Variants in LUZP2 observed in about 807,000 individuals in gnomAD.
LUZP2 encodes the protein leucine zipper protein 2.
In LUZP2, 52 loss-of-function variants were observed where a neutral mutation model predicts 51.6. The observed-to-expected ratio is 1.01, with a 90% CI of 0.81 to 1.27. The LOEUF is 1.27. Ranked by LOEUF, LUZP2 falls within the 50% of genes most tolerant of loss-of-function variation. The pLI is 0.00. For synonymous variants in LUZP2, 154 were observed against 137.3 expected (o/e 1.12, Z -0.85); for missense variants, 436 against 395.4 (o/e 1.10, Z -0.87).
chr11:24,698,969 G>C (rs1253665615), intron 1 of LUZP2, among the ~76,000 whole-genome samples: 2 of 151,978 alleles, frequency 1.3e-5, no homozygotes, highest in African/African-American at 4.8e-5. Context: ...GAGATGAGAG[G>C]ATCGATTGAG....
In LUZP2 at chr11:24,610,148, A is replaced by G. The variant is rs369725537; in HGVS notation, c.62+112843A>G. 5.4e-4 allele frequency among the ~76,000 whole-genome samples: 82 copies of G among 152,316 alleles called. 2 individuals are homozygous for G. The highest frequency in any genetic ancestry group is 1.6e-3 in the African/African-American group (68 of 41,570). On this transcript the variant is annotated intron_variant, in intron 1 of 11. Transcript: ENST00000336930. ...GCACTGACTGAAGAATGGCGTTCGA[A>G]GAGGAACGTGATGGGGAAAAATAGA...
At chr11:24,870,696 G>T (rs979781533) in intron 5 of LUZP2, among the ~76,000 whole-genome samples, 2 of 151,908 alleles carry the variant, frequency 1.3e-5, no homozygotes, top group Non-Finnish European at 2.9e-5. Context: ...GAAGAAATTT[G>T]GTCTATTTTT....
rs148050149 is a variant in LUZP2, at chr11:24,565,786, A to G, written c.62+68481A>G. Among the ~76,000 whole-genome samples, 133 of 152,284 alleles carry G rather than the reference A, an allele frequency of 8.7e-4. 2 individuals carry two copies. The East Asian group carries it at 0.021, about 25-fold the overall frequency. ...TTACCACAAACCAAAAGTAAACAAA[A>G]AAGTAAACAGTTTGTCTTCTTATAA... is the stretch of plus-strand genomic sequence containing the variant. On this transcript the variant is annotated intron_variant, in intron 1 of 11. Transcript: ENST00000336930.
At chr11:24,844,038 G>C (rs1851120428) in intron 5 of LUZP2, among the ~76,000 whole-genome samples, 1 of 152,128 alleles carries the variant, frequency 6.6e-6, no homozygotes, top group Non-Finnish European at 1.5e-5. Flanking sequence ...GTGGGGCATT[G>C]CTAAAAAGAT....
intron 1 of LUZP2, among the ~76,000 whole-genome samples, chr11:24,691,824 G>A (rs1353590188): frequency 6.6e-6 from 1 of 151,958 alleles, no homozygotes; most frequent in African/African-American, 2.4e-5. Context: ...CAACCTGTGA[G>A]CTACCAAATG....
intron 5 of LUZP2, among the ~76,000 whole-genome samples, chr11:24,841,194 T>C (rs1488527561): frequency 6.6e-6 from 1 of 151,932 alleles, no homozygotes; most frequent in African/African-American, 2.4e-5. Flanking sequence ...AGGGTGAAAC[T>C]TCCATGGTGG....
chr11:25,043,435 A>G (rs1483748763), intron 9 of LUZP2, among the ~76,000 whole-genome samples: 2 of 151,940 alleles, frequency 1.3e-5, no homozygotes, highest in African/African-American at 2.4e-5. Context: ...GCTACTTCAT[A>G]TTCAATTTCT....
intron 9 of LUZP2, among the ~76,000 whole-genome samples, chr11:25,009,925 A>G (rs977208893): frequency 1.3e-5 from 2 of 152,144 alleles, no homozygotes; most frequent in Admixed American, 6.6e-5. Context: ...CTTTGAGCCA[A>G]TTAAGGATAT....
intron 9 of LUZP2, among the ~76,000 whole-genome samples, chr11:25,034,831 T>C (rs192955442): frequency 8.5e-4 from 130 of 152,258 alleles, no homozygotes; most frequent in Admixed American, 3.3e-3. Context: ...GCCTCCATAG[T>C]ATAGTTTCAG....
intron 9 of LUZP2, among the ~76,000 whole-genome samples, chr11:25,012,680 A>C (rs1251878736): frequency 6.6e-6 from 1 of 152,196 alleles, no homozygotes; most frequent in African/African-American, 2.4e-5. Context: ...ATATCATCTT[A>C]TCCCAGTCAG....
intron 1 of LUZP2, among the ~76,000 whole-genome samples, chr11:24,669,478 A>T (rs1268563358): frequency 3.3e-5 from 5 of 152,032 alleles, no homozygotes; most frequent in Admixed American, 3.3e-4. Flanking sequence ...ACCTTTGGGG[A>T]TTACAATTAA....
At chr11:24,521,515 G>A (rs1195521390) in intron 1 of LUZP2, among the ~76,000 whole-genome samples, 2 of 152,020 alleles carry the variant, frequency 1.3e-5, no homozygotes, top group African/African-American at 4.8e-5. Context: ...AGCATTTCAA[G>A]GTAAGGAAGA....
At position 24,767,488 on chromosome 11, in the gene LUZP2, G is replaced by A. The variant is rs553743114; in HGVS notation, c.396+4180G>A. Among the ~76,000 whole-genome samples, 5 of 152,290 alleles carry A rather than the reference G, an allele frequency of 3.3e-5. No homozygotes were observed. In the East Asian group the frequency reaches 9.6e-4, roughly 29 times the overall value. ...ATATTTGTTTGGTTACAGTTAGACA[G>A]TTGCTGTATTTGGTCGATCCCACTG... On this transcript the variant is annotated intron_variant, in intron 5 of 11. Transcript: ENST00000336930.
rs1554966093 is a variant in LUZP2, at chr11:24,633,964, G to GTATATATA, written c.63-95204_63-95197dup. Among the ~76,000 whole-genome samples, 1,125 of 149,204 alleles carry GTATATATA rather than the reference G, an allele frequency of 7.5e-3. 21 individuals carry two copies. Among genetic ancestry groups the GTATATATA allele is most frequent in the South Asian group, 0.045 (211 of 4,704 alleles). On this transcript the variant is annotated intron_variant, in intron 1 of 11. Coordinates refer to ENST00000336930, the MANE Select transcript of LUZP2 (RefSeq NM_001009909.4). Reference sequence around the variant, plus strand: ...CGTGTGTGTGTGTGTGTGTGTGTGTGTATATATAGTCTGTCTATTAAAGGA... The same window carrying GTATATATA: ...CGTGTGTGTGTGTGTGTGTGTGTGTGTATATATATATATATAGTCTGTCTATTAAAGGA...
At chr11:24,758,762 G>A (rs1024283754) in intron 4 of LUZP2, among the ~76,000 whole-genome samples, 6 of 151,890 alleles carry the variant, frequency 4.0e-5, no homozygotes, top group Non-Finnish European at 7.4e-5. Context: ...AATTACTATG[G>A]ATTTTTTTCT....
At chr11:24,691,942 T>A (rs1033941696) in intron 1 of LUZP2, among the ~76,000 whole-genome samples, 2 of 152,016 alleles carry the variant, frequency 1.3e-5, no homozygotes, top group Non-Finnish European at 2.9e-5. Flanking sequence ...CATGACAGAA[T>A]AGGAATATTC....
At chr11:24,832,585 A>C (rs1353777718) in intron 5 of LUZP2, among the ~76,000 whole-genome samples, 1 of 151,760 alleles carries the variant, frequency 6.6e-6, no homozygotes, top group Non-Finnish European at 1.5e-5. Flanking sequence ...ATATGCAAAA[A>C]TTACAAATCA....
intron 1 of LUZP2, among the ~76,000 whole-genome samples, chr11:24,692,491 G>A (rs2133891424): frequency 6.6e-6 from 1 of 151,950 alleles, no homozygotes; most frequent in East Asian, 1.9e-4. Context: ...CAAAATATGA[G>A]TTTTCTGTTC....
intron 1 of LUZP2, among the ~76,000 whole-genome samples, chr11:24,557,193 A>G (rs560616130): frequency 6.8e-6 from 1 of 148,080 alleles, no homozygotes; most frequent in Admixed American, 6.8e-5. Flanking sequence ...TGCTGTGACA[A>G]CCTGAGTCCT....
Sources: allele counts gnomAD v4.1 joint callset (sites outside exome capture counted in the v4.1 genomes callset), GRCh38; gene constraint gnomAD v4.1.1; transcripts MANE v1.5; gene names NCBI Gene and HGNC (gene_info 2026-07-23, HGNC 2026-07-21).